Variants in KCNAB2 observed in about 807,000 individuals in gnomAD.
KCNAB2 encodes potassium voltage-gated channel subfamily A regulatory beta subunit 2, also known as voltage-gated potassium channel subunit beta-2.
A neutral mutation model predicts 63.6 loss-of-function variants in KCNAB2; 29 were observed. The ratio of observed to expected loss-of-function variants is 0.46; its 90% CI spans 0.34 to 0.62. The LOEUF (loss-of-function observed/expected upper bound fraction) is 0.62, where lower values mean the gene tolerates loss of function less well. KCNAB2 is among the 20% of genes least tolerant of loss of function. The pLI is 0.01. For missense variants in KCNAB2, 359 were observed against 563.9 expected (o/e 0.64, Z 3.68); for synonymous variants, 222 against 224.2 (o/e 0.99, Z 0.09).
Position 6,099,803 on chromosome 1 carries a change from T to A in KCNAB2, c.*1229T>A. ...GGGCTGGTTAGCCCCTCCCACTGCC[T>A]GACACCTGGGACAGGCTGGGCAGAG... On this transcript the variant is annotated 3_prime_UTR_variant, in exon 16 of 16. Transcript: ENST00000378083. 6.6e-7 allele frequency: 1 copy of A among 1,513,458 alleles called. No homozygotes were observed. Among genetic ancestry groups the A allele is most frequent in the Non-Finnish European group, 8.9e-7 (1 of 1,128,474 alleles). 93.8% of individuals were successfully genotyped at this position (1,513,458 alleles called of 1,614,324 possible). A position where few individuals can be genotyped will look rare whatever the true frequency, so the allele number is the denominator to read the frequency against.
chr1:6,046,086 A>G lies in KCNAB2; in HGVS notation c.-124A>G, dbSNP rs1660896882. On this transcript the variant is annotated 5_prime_UTR_variant, in exon 1 of 16. Coordinates refer to ENST00000378083, the MANE Select transcript of KCNAB2 (RefSeq NM_001199862.2). Reference sequence around the variant, plus strand: ...CTGACGTCCTGCAGTGACACTCCCTAATGAAAAAGCCGCTGTGCCAGATCC... The same window carrying G: ...CTGACGTCCTGCAGTGACACTCCCTGATGAAAAAGCCGCTGTGCCAGATCC... 1 of 985,314 alleles carries G rather than the reference A, an allele frequency of 1.0e-6. No individual in the cohort carries two copies. The allele number at this position is 985,314 out of a possible 1,614,324, so 61.0% of individuals were successfully genotyped here.
intron 1 of KCNAB2, among the ~76,000 whole-genome samples, chr1:5,993,941 TG>T (rs1297575398): frequency 6.6e-6 from 1 of 152,178 alleles, no homozygotes; most frequent in Admixed American, 6.5e-5. Flanking sequence ...GCTGAGGAGC[TG>T]GGGACCGCCA....
In KCNAB2 at chr1:6,078,009, T is replaced by C. The variant is rs1429818544; in HGVS notation, c.301-4186T>C. 2.0e-5 allele frequency among the ~76,000 whole-genome samples: 3 copies of C among 149,754 alleles called. No individual in the cohort carries two copies. The highest frequency in any genetic ancestry group is 3.0e-5 in the Non-Finnish European group (2 of 67,558). On this transcript the variant is annotated intron_variant, in intron 4 of 15. Coordinates refer to ENST00000378083, the MANE Select transcript of KCNAB2 (RefSeq NM_001199862.2). This position sits in a 1 kb window ranked among gnomAD's most constrained non-coding sequence, Gnocchi z 4.2. ...GATCCAAACTCGGTACCCCTGAGCC[T>C]AAGTCCAGGAGTCAGCCGGGCCGGG...
intron 1 of KCNAB2, among the ~76,000 whole-genome samples, chr1:6,001,578 G>A (rs1001133014): frequency 3.3e-5 from 5 of 152,150 alleles, no homozygotes; most frequent in Non-Finnish European, 1.5e-5. Flanking sequence ...CCATGGGGGT[G>A]GGTCTCTGAA....
rs371448757 is a variant in KCNAB2, at chr1:6,087,416, C to T, written c.426-51C>T. The T allele has an allele frequency of 8.2e-6, 13 of 1,587,756 alleles. No individual in the cohort carries two copies. The African/African-American group carries it at 1.7e-4, about 21-fold the overall frequency. On this transcript the variant is annotated intron_variant, in intron 6 of 15. Transcript: ENST00000378083. The surrounding 1 kb of genome is among the most constrained non-coding windows in gnomAD (Gnocchi z 6.4). ...TGAGGACGTCGGGGATGAAGGAGGA[C>T]CCCCCAGGGGCCGGGCTTATCACAC...
At chr1:6,056,434 A>C (rs1239079875) in intron 2 of KCNAB2, among the ~76,000 whole-genome samples, 2 of 152,246 alleles carry the variant, frequency 1.3e-5, no homozygotes, top group African/African-American at 2.4e-5. Context: ...CCCCTGTGTA[A>C]GCATGAGGGA....
intron 1 of KCNAB2, chr1:6,026,404 C>G (rs1262678021): frequency 1.3e-4 from 20 of 152,336 alleles, no homozygotes; most frequent in Admixed American, 9.8e-4. Flanking sequence ...CCTGAGTGCT[C>G]GGAAAATGGC....
intron 10 of KCNAB2, 152 bp from the exon 11 acceptor site, chr1:6,094,248 C>G: frequency 1.7e-6 from 1 of 601,854 alleles, no homozygotes; most frequent in East Asian, 2.8e-5. Context: ...CTCCCACACC[C>G]AACTTCAGAG....
intron 1 of KCNAB2, among the ~76,000 whole-genome samples, chr1:5,996,481 C>G (rs1256487052): frequency 6.6e-6 from 1 of 152,228 alleles, no homozygotes; most frequent in Non-Finnish European, 1.5e-5. Flanking sequence ...AGGCTACTCC[C>G]TGCTCTGCGC....
chr1:6,049,910 C>A (rs1332529563), intron 1 of KCNAB2, among the ~76,000 whole-genome samples: 1 of 152,230 alleles, frequency 6.6e-6, no homozygotes, highest in Non-Finnish European at 1.5e-5. Context: ...AGGTGGCCCC[C>A]CTCTCTGGGT....
chr1:6,084,818 A>C (rs1664551682), intron 5 of KCNAB2, among the ~76,000 whole-genome samples: 1 of 152,150 alleles, frequency 6.6e-6, no homozygotes, highest in Non-Finnish European at 1.5e-5. Flanking sequence ...TCAAAAAAAA[A>C]AAAACAAGAT....
At position 6,073,795 on chromosome 1, in the gene KCNAB2, C is replaced by T; in HGVS notation, c.300+25C>T. The T allele has an allele frequency of 6.2e-7, 1 of 1,612,796 alleles. No individual in the cohort carries two copies. Among genetic ancestry groups the T allele is most frequent in the South Asian group, 1.1e-5 (1 of 91,056 alleles). On this transcript the variant is annotated intron_variant, in intron 4 of 15. Transcript: ENST00000378083. The surrounding 1 kb of genome is among the most constrained non-coding windows in gnomAD (Gnocchi z 5.7). ...GGTAAGATGGGGCTCTCCCAGCACC[C>T]CAGAACCCAGCACGGGCTCGCCAGA...
chr1:6,040,751 C>CA (rs759796433), intron 2 of KCNAB2: 1 of 669,172 alleles, frequency 1.5e-6, no homozygotes, highest in Non-Finnish European at 2.6e-6. Flanking sequence ...AGGGCCCAAG[C>CA]AGGGCCCACA....
intron 2 of KCNAB2, among the ~76,000 whole-genome samples, chr1:6,055,889 A>G (rs1443513757): frequency 6.6e-6 from 1 of 152,230 alleles, no homozygotes; most frequent in African/African-American, 2.4e-5. Context: ...CTGGGTCACC[A>G]TTAAACTTGG....
rs1421872100 is a variant in KCNAB2 at position 6,099,645 on chromosome 1, C to T, written c.*1071C>T. ...GCTGGTGGGCTTGGGTTTTGTGGAG[C>T]GCATGCTTGGACCCTTTCAGTAAGG... On this transcript the variant is annotated 3_prime_UTR_variant, in exon 16 of 16. Coordinates refer to ENST00000378083, the MANE Select transcript of KCNAB2 (RefSeq NM_001199862.2). 1.2e-5 allele frequency: 12 copies of T among 1,039,572 alleles called. No individual in the cohort carries two copies. The highest frequency in any genetic ancestry group is 3.2e-5 in the Admixed American group (1 of 30,786). The allele number at this position is 1,039,572 out of a possible 1,614,324, so 64.4% of individuals were successfully genotyped here.
intron 2 of KCNAB2, among the ~76,000 whole-genome samples, chr1:6,064,105 T>C (rs1662547334): frequency 6.6e-6 from 1 of 152,154 alleles, no homozygotes; most frequent in African/African-American, 2.4e-5. Flanking sequence ...GTGCAGAGAA[T>C]GCGTAAGGAA....
At chr1:6,084,127 C>A (rs770264454) in intron 5 of KCNAB2, among the ~76,000 whole-genome samples, 5 of 152,210 alleles carry the variant, frequency 3.3e-5, no homozygotes, top group Non-Finnish European at 5.9e-5. Flanking sequence ...ATGACTCAGG[C>A]GCTTTTATAA....
chr1:6,055,191 C>T (rs984790238), intron 2 of KCNAB2, among the ~76,000 whole-genome samples: 4 of 152,074 alleles, frequency 2.6e-5, no homozygotes, highest in South Asian at 2.1e-4. Context: ...TAATGGCAGC[C>T]GCAGGGAACT....
chr1:6,085,564 G>A (rs918349614), intron 6 of KCNAB2, among the ~76,000 whole-genome samples: 2 of 152,182 alleles, frequency 1.3e-5, no homozygotes, highest in Non-Finnish European at 2.9e-5. Flanking sequence ...AGAGCTTGGC[G>A]TGAGAACGGG....
Sources: gnomAD v4.1 joint callset for allele counts (sites outside exome capture counted in the v4.1 genomes callset) on GRCh38, gnomAD v4.1.1 for gene constraint, Gnocchi (gnomAD v3.1) non-coding constraint, MANE v1.5 for transcripts, NCBI Gene and HGNC (gene_info 2026-07-23, HGNC 2026-07-21) for gene names.